ESR1: variants seen among roughly 807,000 people sequenced by gnomAD.
The protein encoded by ESR1 is estrogen receptor 1.
ESR1 carries 12 observed loss-of-function variants against 52.7 expected under a neutral mutation model. The observed-to-expected ratio is 0.23, with a 90% CI of 0.15 to 0.37. ESR1 has a LOEUF of 0.37. Ranked by LOEUF, ESR1 falls within the 10% of genes least tolerant of loss-of-function variation. The pLI is 1.00. For missense variants in ESR1, 584 were observed against 779.7 expected (o/e 0.75, Z 2.99); for synonymous variants, 305 against 316.8 (o/e 0.96, Z 0.39).
At chr6:151,831,869 G>A (rs562633541) in intron 1 of ESR1, among the ~76,000 whole-genome samples, 1 of 152,268 alleles carries the variant, frequency 6.6e-6, no homozygotes, top group African/African-American at 2.4e-5. Flanking sequence ...GGGTCGTGCT[G>A]GGTTTTCCAG....
intron 5 of ESR1, among the ~76,000 whole-genome samples, chr6:152,052,146 G>C (rs2046733156): frequency 6.6e-6 from 1 of 152,188 alleles, no homozygotes; most frequent in Non-Finnish European, 1.5e-5. Flanking sequence ...CAGCAAAGGA[G>C]AGAGCAAGAG....
chr6:151,679,665 C>G (rs1433689426), intron 1 of ESR1, among the ~76,000 whole-genome samples: 3 of 152,198 alleles, frequency 2.0e-5, no homozygotes, highest in Non-Finnish European at 4.4e-5. Context: ...TTGGCTGGCC[C>G]ATGAGGCCCC....
intron 1 of ESR1, among the ~76,000 whole-genome samples, chr6:151,833,417 T>C (rs184594255): frequency 4.9e-4 from 75 of 152,294 alleles, no homozygotes; most frequent in African/African-American, 1.8e-3. Context: ...AAGAAGATTC[T>C]GAAGCCTTAG....
chr6:151,941,295 G>T (rs1173821522), intron 3 of ESR1, among the ~76,000 whole-genome samples: 1 of 152,080 alleles, frequency 6.6e-6, no homozygotes, highest in East Asian at 1.9e-4. Context: ...TGTAAGGCTT[G>T]ATCGCATTGT....
At chr6:151,980,600 T>A (rs1397140226) in intron 4 of ESR1, among the ~76,000 whole-genome samples, 1 of 152,194 alleles carries the variant, frequency 6.6e-6, no homozygotes, top group African/African-American at 2.4e-5. Context: ...GGAGTAGCCC[T>A]TAAGGACCAG....
intron 2 of ESR1, among the ~76,000 whole-genome samples, chr6:151,741,396 G>C (rs566286981): frequency 6.6e-6 from 1 of 152,042 alleles, no homozygotes; most frequent in South Asian, 2.1e-4. Context: ...GAGCGCATAC[G>C]GGATAAGGGC....
intron 2 of ESR1, among the ~76,000 whole-genome samples, chr6:151,853,132 A>G (rs138058602): frequency 0.01 from 1,302 of 126,760 alleles, 9 homozygotes; most frequent in Non-Finnish European, 0.015. Flanking sequence ...AGATTGCACC[A>G]CTGCACTCCA....
intron 6 of ESR1, among the ~76,000 whole-genome samples, chr6:152,077,536 T>C (rs951849463): frequency 1.3e-5 from 2 of 152,080 alleles, no homozygotes; most frequent in East Asian, 3.9e-4. Flanking sequence ...GCTTGCACCA[T>C]GTGCCTGGAA....
chr6:151,921,429 T>C (rs2031649667), intron 3 of ESR1, among the ~76,000 whole-genome samples: 1 of 152,228 alleles, frequency 6.6e-6, no homozygotes, highest in Non-Finnish European at 1.5e-5. Flanking sequence ...GAGTGATTTA[T>C]ATTTCACTGG....
intron 1 of ESR1, among the ~76,000 whole-genome samples, chr6:151,839,043 G>T (rs1271569351): frequency 6.6e-6 from 1 of 152,164 alleles, no homozygotes; most frequent in Non-Finnish European, 1.5e-5. Context: ...TATCAATGTT[G>T]TTGAGTCCCT....
chr6:152,065,131 T>G (rs1022681386), intron 6 of ESR1, among the ~76,000 whole-genome samples: 10 of 151,884 alleles, frequency 6.6e-5, no homozygotes, highest in African/African-American at 2.4e-4. Context: ...AGGCTTACAA[T>G]AAAAAAAAGT....
chr6:151,989,356 C>T (rs942208807), intron 4 of ESR1, among the ~76,000 whole-genome samples: 6 of 152,054 alleles, frequency 3.9e-5, no homozygotes, highest in Admixed American at 6.5e-5. Flanking sequence ...ATGGCACATT[C>T]GTGTCTCATT....
chr6:151,774,287 G>T (rs1785767430), intron 2 of ESR1, among the ~76,000 whole-genome samples: 1 of 152,220 alleles, frequency 6.6e-6, no homozygotes, highest in Non-Finnish European at 1.5e-5. Context: ...ATTTGGTGAA[G>T]TATAGCATAT....
chr6:151,909,589 A>G (rs1374987311), intron 3 of ESR1, among the ~76,000 whole-genome samples: 1 of 152,334 alleles, frequency 6.6e-6, no homozygotes, highest in East Asian at 1.9e-4. Context: ...ACCTTCCATC[A>G]GGTGAGAGCT....
intron 4 of ESR1, among the ~76,000 whole-genome samples, chr6:151,990,551 C>T (rs965611292): frequency 6.6e-6 from 1 of 151,532 alleles, no homozygotes; most frequent in Non-Finnish European, 1.5e-5. Context: ...ACTGCCTTGA[C>T]CTGGACCTGG....
intron 3 of ESR1, among the ~76,000 whole-genome samples, chr6:151,940,863 G>A (rs1254400982): frequency 1.3e-5 from 2 of 152,176 alleles, no homozygotes; most frequent in African/African-American, 4.8e-5. Flanking sequence ...TGTAAGTATT[G>A]AACGGATTTT....
At chr6:151,798,612 G>A (rs536988086) in intron 2 of ESR1, among the ~76,000 whole-genome samples, 39 of 152,282 alleles carry the variant, frequency 2.6e-4, no homozygotes, top group African/African-American at 9.4e-4. Flanking sequence ...TTTTTAGGAA[G>A]GCTAGCACTT....
intron 3 of ESR1, among the ~76,000 whole-genome samples, chr6:151,941,372 G>A (rs190035931): frequency 1.3e-5 from 2 of 152,214 alleles, no homozygotes; most frequent in East Asian, 3.9e-4. Flanking sequence ...GACTAATACT[G>A]AAGAACCAGG....
chr6:151,664,758 A>G (rs919220727), intron 1 of ESR1, among the ~76,000 whole-genome samples: 1 of 152,212 alleles, frequency 6.6e-6, no homozygotes, highest in Non-Finnish European at 1.5e-5. Context: ...ACTAAACAGC[A>G]TTCGATGTTT....
Sources: gnomAD v4.1 joint callset for allele counts (sites outside exome capture counted in the v4.1 genomes callset) on GRCh38, gnomAD v4.1.1 for gene constraint, MANE v1.5 for transcripts, NCBI Gene and HGNC (gene_info 2026-07-23, HGNC 2026-07-21) for gene names.